The following ZNF16 variants were observed in gnomAD, a reference collection of about 807,000 sequenced individuals.
The protein encoded by ZNF16 is zinc finger protein 16, also known as zinc finger protein KOX9.
ZNF16 carries 7 observed loss-of-function variants against 9.0 expected under a neutral mutation model. The observed-to-expected ratio is 0.78, with a 90% CI of 0.44 to 1.47. The LOEUF is 1.47. Among genes scored for constraint, ZNF16 ranks in the 40% most tolerant of loss-of-function variants. The probability of loss-of-function intolerance (pLI) is 0.01; values close to 1 mark genes in which losing one functional copy is unlikely to be tolerated. For missense variants in ZNF16, 830 were observed against 854.2 expected (o/e 0.97, Z 0.35); for synonymous variants, 312 against 301.5 (o/e 1.03, Z -0.36).
At position 144,931,603 on chromosome 8, in the gene ZNF16, T is replaced by C; in HGVS notation, c.1184A>G (p.His395Arg). 1.2e-6 allele frequency: 2 copies of C among 1,614,144 alleles called. No homozygotes were observed. Among genetic ancestry groups the C allele is most frequent in the Non-Finnish European group, 1.7e-6 (2 of 1,180,018 alleles). ...CTTCTCTCCAGTGTGGACCCTCTGG[T>C]GCTTCCTCAGGTGTGCACTCTGGCT... Reference protein sequence around the residue: ...AFSQSAHLRKHQRVHTGEKPY... With the variant: ...AFSQSAHLRKRQRVHTGEKPY... The change falls in exon 3 of 3, where the codon CAC becomes CGC. Residue 395 changes from histidine (H) to arginine (R), a missense_variant. Coordinates refer to ENST00000394909, the MANE Select transcript of ZNF16 (RefSeq NM_006958.3).
At chr8:144,948,261 CTG>C (rs1270131206) in intron 1 of ZNF16, 17 of 152,406 alleles carry the variant, frequency 1.1e-4, no homozygotes, top group Admixed American at 2.0e-4. Flanking sequence ...GGCCACATTT[CTG>C]TGTCAGGAGA....
chr8:144,949,806 C>T (rs753579452), intron 1 of ZNF16, among the ~76,000 whole-genome samples: 27 of 152,172 alleles, frequency 1.8e-4, no homozygotes, highest in Non-Finnish European at 3.4e-4. Flanking sequence ...AGATTTGTCC[C>T]CATGTGATAG....
In ZNF16 at chr8:144,930,849, C is replaced by G. The variant is rs567463624; in HGVS notation, c.1938G>C (p.Gln646His). 1 of 1,600,648 alleles carries G rather than the reference C, an allele frequency of 6.2e-7. No individual in the cohort carries two copies. The highest frequency in any genetic ancestry group is 1.1e-5 in the South Asian group (1 of 88,394). Residue 646 changes from glutamine (Q) to histidine (H), a missense_variant, in exon 3 of 3, where the codon CAG becomes CAC. Coordinates refer to ENST00000394909, the MANE Select transcript of ZNF16 (RefSeq NM_006958.3). ...KAFSQRSVLI[Q>H]HQRIHTGVKP... ...TCACCCCAGTGTGAATCCTCTGGTG[C>G]TGGATGAGGACCGAACGCTGACTGA... is the stretch of plus-strand genomic sequence containing the variant.
In ZNF16 at chr8:144,949,667, G is replaced by A. The variant is rs534286900; in HGVS notation, c.-10+1130C>T. Among the ~76,000 whole-genome samples, 70 of 152,310 alleles carry A rather than the reference G, an allele frequency of 4.6e-4. 1 individual carries two copies. The highest frequency in any genetic ancestry group is 7.2e-4 in the Admixed American group (11 of 15,308). On this transcript the variant is annotated intron_variant, in intron 1 of 2. Transcript: ENST00000394909. ...TCTAGGGCTGTGCAGGATGTGCCTT[G>A]TTAACAAAATGTTTACAAGCAGATG...
intron 1 of ZNF16, among the ~76,000 whole-genome samples, chr8:144,946,724 GTACCCTGCTGTGGGCCA>G (rs1833952721): frequency 9.7e-6 from 1 of 103,018 alleles, no homozygotes; most frequent in African/African-American, 4.1e-5. Context: ...TGTGGGGCCC[GTACCCTGCTGTGGGCCA>G]TACCCTTCTG....
Position 144,932,171 on chromosome 8 carries a change from C to A in ZNF16, c.616G>T (p.Glu206Ter). 6.2e-7 allele frequency: 1 copy of A among 1,614,192 alleles called. No individual in the cohort carries two copies. The highest frequency in any genetic ancestry group is 8.5e-7 in the Non-Finnish European group (1 of 1,180,038). Reference sequence around the variant, plus strand: ...CACTCATTACATATGAGTGGACTTTCAGCTGTGGGAACCCCCTCATGACCA... The same window carrying A: ...CACTCATTACATATGAGTGGACTTTAAGCTGTGGGAACCCCCTCATGACCA... ...LTGHEGVPTA[E>*]SPLICNECGK... Residue 206 changes from glutamate (E) to a stop codon, truncating the protein, a stop_gained, in exon 3 of 3, where the codon GAA becomes TAA. Transcript: ENST00000394909. LOFTEE classifies it low-confidence loss of function (END_TRUNC). This position sits in a 1 kb window ranked among gnomAD's most constrained non-coding sequence, Gnocchi z 5.0.
At position 144,937,672 on chromosome 8, in the gene ZNF16, AGG is replaced by A. The variant is rs571998721; in HGVS notation, c.197-5084_197-5083del. ...TTAATTTTTGTATATGGCATAAGGT[AGG>A]GGTTCACCTTCACTCATTTTTTGGG... On this transcript the variant is annotated intron_variant, in intron 2 of 2. Transcript: ENST00000394909. Among the ~76,000 whole-genome samples, 5 of 152,170 alleles carry A rather than the reference AGG, an allele frequency of 3.3e-5. No homozygotes were observed. The East Asian group carries it at 9.7e-4, about 29-fold the overall frequency.
chr8:144,949,563 T>A (rs895322620), intron 1 of ZNF16, among the ~76,000 whole-genome samples: 1 of 152,240 alleles, frequency 6.6e-6, no homozygotes, highest in Non-Finnish European at 1.5e-5. Flanking sequence ...TGCTGTTAAT[T>A]TGTAACTTTG....
At chr8:144,934,210 G>A (rs1256448482) in intron 2 of ZNF16, among the ~76,000 whole-genome samples, 10 of 152,170 alleles carry the variant, frequency 6.6e-5, no homozygotes, top group Non-Finnish European at 1.5e-5. Flanking sequence ...CTGCACCCAC[G>A]TGTCTCTTGG....
intron 2 of ZNF16, chr8:144,944,869 C>G (rs991653870): frequency 6.6e-6 from 1 of 152,210 alleles, no homozygotes; most frequent in African/African-American, 2.4e-5. Flanking sequence ...TTGTGTTCAA[C>G]CAGTGTTTTG....
At chr8:144,941,453 A>G (rs1833794855) in intron 2 of ZNF16, among the ~76,000 whole-genome samples, 1 of 152,142 alleles carries the variant, frequency 6.6e-6, no homozygotes, top group Non-Finnish European at 1.5e-5. Context: ...CTTGTGGCAT[A>G]TAGTTGGACC....
chr8:144,940,639 T>C (rs977909087), intron 2 of ZNF16, among the ~76,000 whole-genome samples: 2 of 152,258 alleles, frequency 1.3e-5, no homozygotes, highest in African/African-American at 2.4e-5. Flanking sequence ...GTGTTACATG[T>C]ACACTTGAGA....
At chr8:144,934,756 C>T (rs968831001) in intron 2 of ZNF16, among the ~76,000 whole-genome samples, 2 of 152,208 alleles carry the variant, frequency 1.3e-5, no homozygotes, top group African/African-American at 2.4e-5. Context: ...ACAACACAGA[C>T]AGGAGTCAGG....
At chr8:144,935,853 G>A in intron 2 of ZNF16, among the ~76,000 whole-genome samples, 1 of 152,200 alleles carries the variant, frequency 6.6e-6, no homozygotes, top group East Asian at 1.9e-4. Context: ...AACCCCAGAG[G>A]CATCTCACAC....
intron 2 of ZNF16, among the ~76,000 whole-genome samples, chr8:144,937,826 CTA>C (rs143627646): frequency 0.23 from 34,503 of 151,372 alleles, 4,021 homozygotes; most frequent in East Asian, 0.34. Flanking sequence ...ACACAACTGG[CTA>C]TTTTTTTTTT....
At chr8:144,950,107 A>G (rs1451227843) in intron 1 of ZNF16, among the ~76,000 whole-genome samples, 16 of 151,992 alleles carry the variant, frequency 1.1e-4, no homozygotes, top group Non-Finnish European at 1.9e-4. Flanking sequence ...GTTTGGGTGG[A>G]GAGAAACAAA....
At chr8:144,943,846 T>C (rs1833860687) in intron 2 of ZNF16, among the ~76,000 whole-genome samples, 1 of 152,116 alleles carries the variant, frequency 6.6e-6, no homozygotes, top group African/African-American at 2.4e-5. Flanking sequence ...TTAGATCTTT[T>C]TTCTCCTCAG....
chr8:144,936,876 G>A (rs540773143), intron 2 of ZNF16, among the ~76,000 whole-genome samples: 2 of 152,078 alleles, frequency 1.3e-5, no homozygotes, highest in South Asian at 4.1e-4. Flanking sequence ...TGTATTTTTA[G>A]TAGAGACAGG....
chr8:144,937,289 C>T (rs937275037), intron 2 of ZNF16, among the ~76,000 whole-genome samples: 1 of 151,700 alleles, frequency 6.6e-6, no homozygotes, highest in African/African-American at 2.4e-5. Context: ...GCACATGCCA[C>T]CATGCCCAGC....
Sources: allele counts gnomAD v4.1 joint callset (sites outside exome capture counted in the v4.1 genomes callset), GRCh38; gene constraint gnomAD v4.1.1; non-coding constraint Gnocchi (gnomAD v3.1); transcripts MANE v1.5; gene names NCBI Gene and HGNC (gene_info 2026-07-23, HGNC 2026-07-21).